Variants in ANGPT2 observed in about 807,000 individuals in gnomAD.
ANGPT2 encodes angiopoietin 2.
Under a neutral mutation model 62.9 loss-of-function variants are expected in ANGPT2, and 28 were observed. The observed-to-expected ratio is 0.44, with a 90% CI of 0.33 to 0.61. The LOEUF is 0.61. Among genes scored for constraint, ANGPT2 ranks in the 20% least tolerant of loss-of-function variants. The pLI is 0.03. For synonymous variants in ANGPT2, 284 were observed against 207.8 expected, an observed-to-expected ratio of 1.37 and a Z score of -3.15; for missense variants, 727 against 594.9, an observed-to-expected ratio of 1.22 and a Z score of -2.31.
At chr8:6,531,044 A>T (rs1246123639) in intron 2 of ANGPT2, among the ~76,000 whole-genome samples, 1 of 152,162 alleles carries the variant, frequency 6.6e-6, no homozygotes. Flanking sequence ...GAAGCCACTG[A>T]CTTCAGAAGC....
At chr8:6,540,226 A>G (rs777627184) in intron 1 of ANGPT2, among the ~76,000 whole-genome samples, 8 of 152,160 alleles carry the variant, frequency 5.3e-5, no homozygotes, top group Non-Finnish European at 8.8e-5. Flanking sequence ...ACATATATTC[A>G]TATCATTTTA....
At position 6,499,854 on chromosome 8, in the gene ANGPT2, G is replaced by A; in HGVS notation, c.*3247C>T. 1.9e-6 allele frequency: 3 copies of A among 1,612,958 alleles called. No individual in the cohort carries two copies. Among genetic ancestry groups the A allele is most frequent in the Non-Finnish European group, 2.5e-6 (3 of 1,179,822 alleles). Reference sequence around the variant, plus strand: ...TCTGCTTGTTGTGTCACTTGCAGGTGCTATGGTCTTTAGAATTGGGTCACT... The same window carrying A: ...TCTGCTTGTTGTGTCACTTGCAGGTACTATGGTCTTTAGAATTGGGTCACT... On this transcript the variant is annotated 3_prime_UTR_variant, in exon 9 of 9. Transcript: ENST00000629816.
intron 8 of ANGPT2, among the ~76,000 whole-genome samples, chr8:6,506,524 T>G (rs79506314): frequency 0.086 from 13,056 of 152,232 alleles, 1,024 homozygotes; most frequent in African/African-American, 0.2. Flanking sequence ...CACACCCTTC[T>G]CAAGGAGAGA....
chr8:6,521,155 G>A (rs1817257956), intron 4 of ANGPT2, 23 bp downstream of exon 4: 2 of 1,595,536 alleles, frequency 1.3e-6, no homozygotes, highest in East Asian at 4.5e-5. Flanking sequence ...TAACGCTGAA[G>A]AAAGCATGAT....
At chr8:6,550,883 G>A (rs934402023) in intron 1 of ANGPT2, among the ~76,000 whole-genome samples, 1 of 152,188 alleles carries the variant, frequency 6.6e-6, no homozygotes, top group East Asian at 1.9e-4. Context: ...TCAGCAGCGT[G>A]GTCACCACTG....
chr8:6,532,285 A>G (rs377673606), intron 2 of ANGPT2, 47 bp downstream of exon 2: 6 of 1,611,342 alleles, frequency 3.7e-6, no homozygotes, highest in Non-Finnish European at 5.1e-6. Flanking sequence ...ACTGAGTGCT[A>G]GTCTCTAGCT....
intron 1 of ANGPT2, among the ~76,000 whole-genome samples, chr8:6,540,872 C>A (rs561857971): frequency 2.0e-5 from 3 of 152,254 alleles, no homozygotes; most frequent in African/African-American, 4.8e-5. Context: ...GCCACCGCCG[C>A]GCTGGCTGGT....
chr8:6,535,790 G>T (rs183192969), intron 1 of ANGPT2, among the ~76,000 whole-genome samples: 142 of 152,214 alleles, frequency 9.3e-4, no homozygotes, highest in African/African-American at 3.2e-3. Context: ...GCTCATGCCT[G>T]TAATCCCAGC....
At position 6,516,208 on chromosome 8, in the gene ANGPT2, GT is replaced by G. The variant is rs1274767698; in HGVS notation, c.928-1431del. Reference sequence around the variant, plus strand: ...ATCAGTCTGCACAAGCTAACCCCTTGTTACCGCTCTGTATTGCTATGATTTT... The same window carrying G: ...ATCAGTCTGCACAAGCTAACCCCTTGTACCGCTCTGTATTGCTATGATTTT... On this transcript the variant is annotated intron_variant, in intron 5 of 8. Transcript: ENST00000629816. Among the ~76,000 whole-genome samples, 5 of 152,244 alleles carry G rather than the reference GT, an allele frequency of 3.3e-5. No homozygotes were observed. In the East Asian group the frequency reaches 9.6e-4, roughly 29 times the overall value.
At chr8:6,520,845 G>A (rs1817191167) in intron 4 of ANGPT2, among the ~76,000 whole-genome samples, 1 of 152,196 alleles carries the variant, frequency 6.6e-6, no homozygotes, top group Non-Finnish European at 1.5e-5. Flanking sequence ...CCATGGGTCT[G>A]ATATTATTTT....
intron 1 of ANGPT2, among the ~76,000 whole-genome samples, chr8:6,552,118 TCTA>T: frequency 6.6e-6 from 1 of 152,338 alleles, no homozygotes; most frequent in African/African-American, 2.4e-5. Flanking sequence ...CTGAATCTTT[TCTA>T]CTAAGATATG....
At chr8:6,542,007 CAAAA>C (rs764731302) in intron 1 of ANGPT2, among the ~76,000 whole-genome samples, 2 of 57,232 alleles carry the variant, frequency 3.5e-5, no homozygotes, top group African/African-American at 6.1e-5. Flanking sequence ...GACTCAATCT[CAAAA>C]AAAAAAAAAA....
intron 8 of ANGPT2, among the ~76,000 whole-genome samples, chr8:6,505,563 G>A (rs1323292636): frequency 2.7e-5 from 2 of 73,226 alleles, no homozygotes; most frequent in Non-Finnish European, 5.0e-5. Flanking sequence ...CTTTATATAT[G>A]TATATATAGA....
intron 1 of ANGPT2, among the ~76,000 whole-genome samples, chr8:6,557,349 T>C (rs951783376): frequency 2.0e-5 from 3 of 152,126 alleles, no homozygotes; most frequent in Non-Finnish European, 4.4e-5. Flanking sequence ...ACTAGAGATA[T>C]TCTCGGGGCA....
chr8:6,559,379 A>G (rs1264983181), intron 1 of ANGPT2, among the ~76,000 whole-genome samples: 1 of 152,162 alleles, frequency 6.6e-6, no homozygotes, highest in Non-Finnish European at 1.5e-5. Context: ...ATGGTTTCCT[A>G]TGCATTCATT....
intron 8 of ANGPT2, 47 bp downstream of exon 8, chr8:6,508,885 A>T (rs1490680180): frequency 6.2e-7 from 1 of 1,613,478 alleles, no homozygotes; most frequent in South Asian, 1.1e-5. Context: ...CCCTCTATGA[A>T]ATCATTCCTT....
rs1194258225 is a variant in ANGPT2 at position 6,503,096 on chromosome 8, G to T, written c.*5C>A. 6.2e-7 allele frequency: 1 copy of T among 1,614,154 alleles called. No individual in the cohort carries two copies. On this transcript the variant is annotated 3_prime_UTR_variant, in exon 9 of 9. Transcript: ENST00000629816. Reference sequence around the variant, plus strand: ...CGAGACAGTTCCTCAGGTGGACTGGGATGTTTAGAAATCTGCTGGTCGGAT... The same window carrying T: ...CGAGACAGTTCCTCAGGTGGACTGGTATGTTTAGAAATCTGCTGGTCGGAT...
intron 1 of ANGPT2, among the ~76,000 whole-genome samples, chr8:6,539,408 G>C (rs140594668): frequency 1.3e-5 from 2 of 152,152 alleles, no homozygotes; most frequent in Admixed American, 6.5e-5. Flanking sequence ...TAAAGGCCGA[G>C]GGAGGGAAGC....
chr8:6,511,584 T>C (rs1368551282), intron 7 of ANGPT2, among the ~76,000 whole-genome samples: 1 of 152,254 alleles, frequency 6.6e-6, no homozygotes, highest in African/African-American at 2.4e-5. Context: ...TGCATACAAC[T>C]GGCGTCTCAA....
Sources: gnomAD v4.1 joint callset for allele counts (sites outside exome capture counted in the v4.1 genomes callset) on GRCh38, gnomAD v4.1.1 for gene constraint, MANE v1.5 for transcripts, NCBI Gene and HGNC (gene_info 2026-07-23, HGNC 2026-07-21) for gene names.